The following MPDZ variants were observed in gnomAD, a reference collection of about 807,000 sequenced individuals.
MPDZ encodes multiple PDZ domain crumbs cell polarity complex component.
A neutral mutation model predicts 239.1 loss-of-function variants in MPDZ; 234 were observed. The ratio of observed to expected loss-of-function variants is 0.98; its 90% CI spans 0.88 to 1.09. The LOEUF (loss-of-function observed/expected upper bound fraction) is 1.09, where lower values mean the gene tolerates loss of function less well. Among genes scored for constraint, MPDZ ranks in the 50% least tolerant of loss-of-function variants. The pLI is 0.00. For missense variants in MPDZ, 3,175 were observed against 2,510.0 expected (o/e 1.26, Z -5.66); for synonymous variants, 1,048 against 881.3 (o/e 1.19, Z -3.35).
At chr9:13,130,664 T>G (rs556425441) in intron 32 of MPDZ, among the ~76,000 whole-genome samples, 21 of 152,216 alleles carry the variant, frequency 1.4e-4, no homozygotes, top group Non-Finnish European at 1.5e-5. Context: ...ATTGAAGTAA[T>G]ATTTCAAAAT....
chr9:13,184,930 A>T (rs2134602548), intron 18 of MPDZ, among the ~76,000 whole-genome samples: 1 of 152,142 alleles, frequency 6.6e-6, no homozygotes, highest in South Asian at 2.1e-4. Flanking sequence ...TAAAAGTGGA[A>T]CTAATCTTCC....
chr9:13,141,168 T>G (rs1947616457), intron 27 of MPDZ, among the ~76,000 whole-genome samples: 2 of 152,144 alleles, frequency 1.3e-5, no homozygotes, highest in South Asian at 4.1e-4. Context: ...TTTTTGCCAT[T>G]AAAACTCCAA....
At chr9:13,168,247 A>G in intron 22 of MPDZ, 119 bp downstream of exon 22, 3 of 905,220 alleles carry the variant, frequency 3.3e-6, no homozygotes, top group South Asian at 3.3e-5. Flanking sequence ...TGAGTGATTT[A>G]TGTTAAAAAA....
At chr9:13,144,885 A>C (rs974844104) in intron 26 of MPDZ, among the ~76,000 whole-genome samples, 1 of 152,074 alleles carries the variant, frequency 6.6e-6, no homozygotes, top group Admixed American at 6.6e-5. Flanking sequence ...GGAAGAAATG[A>C]CTAGGCAGAG....
At chr9:13,191,888 C>G (rs929074189) in intron 15 of MPDZ, among the ~76,000 whole-genome samples, 2 of 152,066 alleles carry the variant, frequency 1.3e-5, no homozygotes, top group Non-Finnish European at 2.9e-5. Context: ...AGACAAGCAT[C>G]ATGACTTACA....
intron 16 of MPDZ, among the ~76,000 whole-genome samples, chr9:13,189,426 T>G (rs568313346): frequency 6.6e-6 from 1 of 152,016 alleles, no homozygotes; most frequent in African/African-American, 2.4e-5. Context: ...CCCATCCTTT[T>G]GAAATGAAAG....
chr9:13,124,173 G>A (rs1480558333), intron 35 of MPDZ, among the ~76,000 whole-genome samples: 3 of 152,102 alleles, frequency 2.0e-5, no homozygotes, highest in Admixed American at 6.6e-5. Flanking sequence ...AAGAACAGGT[G>A]TAAGATATTT....
At chr9:13,171,679 G>A (rs1343497623) in intron 21 of MPDZ, among the ~76,000 whole-genome samples, 2 of 152,068 alleles carry the variant, frequency 1.3e-5, no homozygotes, top group East Asian at 3.9e-4. Flanking sequence ...CTGTATTTCT[G>A]TATATATTTT....
chr9:13,192,005 C>T (rs1954993296), intron 15 of MPDZ, 126 bp downstream of exon 15: 1 of 826,660 alleles, frequency 1.2e-6, no homozygotes, highest in Non-Finnish European at 1.7e-6. Flanking sequence ...ACTTTAAATT[C>T]TATCCTCCAA....
Position 13,247,804 on chromosome 9 carries a change from A to G in MPDZ, c.17-3T>C, listed in dbSNP as rs372215815. 150 of 1,595,642 alleles carry G rather than the reference A, an allele frequency of 9.4e-5. No individual in the cohort carries two copies. Among genetic ancestry groups the G allele is most frequent in the Non-Finnish European group, 1.2e-4 (140 of 1,165,636 alleles). ...TGCATGCAGGGCCCGATTTTTGTCT[A>G]TACCAAAGAGCAGCATTTGTCAATA... On this transcript the variant is annotated splice_region_variant and splice_polypyrimidine_tract_variant and intron_variant, in intron 2 of 46. Coordinates refer to ENST00000319217, the MANE Select transcript of MPDZ (RefSeq NM_001378778.1).
Position 13,108,879 on chromosome 9 carries a change from G to T in MPDZ, c.6066+57C>A. ...GCCATAAACTAATAAGCCAGCTGCT[G>T]ACCACTATTAATGAATGTTTAGGGG... is the stretch of plus-strand genomic sequence containing the variant. On this transcript the variant is annotated intron_variant, in intron 46 of 46. Transcript: ENST00000319217. The T allele has an allele frequency of 2.6e-6, 4 of 1,559,892 alleles. No homozygotes were observed. In the South Asian group the frequency reaches 4.8e-5, roughly 19 times the overall value.
chr9:13,243,882 C>T (rs1241106604), intron 3 of MPDZ, among the ~76,000 whole-genome samples: 2 of 152,164 alleles, frequency 1.3e-5, no homozygotes, highest in African/African-American at 4.8e-5. Flanking sequence ...GAATGCCACA[C>T]TCCAAAAAGT....
At chr9:13,164,475 A>C (rs1950818715) in intron 22 of MPDZ, among the ~76,000 whole-genome samples, 1 of 152,164 alleles carries the variant, frequency 6.6e-6, no homozygotes, top group African/African-American at 2.4e-5. Context: ...GATTCAGTAA[A>C]ACTCATATAA....
Position 13,224,427 on chromosome 9 carries a change from T to C in MPDZ, c.340A>G (p.Asn114Asp). 1 of 1,612,942 alleles carries C rather than the reference T, an allele frequency of 6.2e-7. No homozygotes were observed. The highest frequency in any genetic ancestry group is 2.2e-5 in the East Asian group (1 of 44,816). Residue 114 changes from asparagine to aspartate, a missense_variant, in exon 4 of 47, where the codon AAT becomes GAT. Coordinates refer to ENST00000319217, the MANE Select transcript of MPDZ (RefSeq NM_001378778.1). ...ALTGPGIPHI[N>D]GKPACDEFDQ... ...AATTCATCACAAGCAGGTTTCCCATTAATGTGTGGAATACCAGGTCCTGTA... is the reference window on the plus strand; with the variant it reads ...AATTCATCACAAGCAGGTTTCCCATCAATGTGTGGAATACCAGGTCCTGTA...
rs1491170147 is a variant in MPDZ, at chr9:13,236,268, T to TATA, written c.183+11366_183+11367insTAT. On this transcript the variant is annotated intron_variant, in intron 3 of 46. Coordinates refer to ENST00000319217, the MANE Select transcript of MPDZ (RefSeq NM_001378778.1). ...GTGTGTGTATATATATATATATATA[T>TATA]TTTTTTTTTTTTTTTTTTTTTTTTT... 4.7e-3 allele frequency among the ~76,000 whole-genome samples: 61 copies of TATA among 13,058 alleles called. 6 individuals are homozygous for TATA. The highest frequency in any genetic ancestry group is 0.044 in the South Asian group (9 of 206). 8.6% of individuals were successfully genotyped at this position (13,058 alleles called of 152,430 possible).
intron 26 of MPDZ, among the ~76,000 whole-genome samples, chr9:13,145,966 A>G (rs1948378646): frequency 6.6e-6 from 1 of 152,054 alleles, no homozygotes; most frequent in Non-Finnish European, 1.5e-5. Flanking sequence ...CAAAAAAAAT[A>G]GCTTTAACTT....
intron 12 of MPDZ, among the ~76,000 whole-genome samples, chr9:13,200,046 T>G (rs1484353363): frequency 6.6e-6 from 1 of 152,044 alleles, no homozygotes; most frequent in African/African-American, 2.4e-5. Context: ...ATTTAAATGT[T>G]TGGTAGAATT....
intron 3 of MPDZ, among the ~76,000 whole-genome samples, chr9:13,229,061 C>T (rs1587964516): frequency 1.3e-5 from 2 of 152,070 alleles, no homozygotes; most frequent in African/African-American, 2.4e-5. Flanking sequence ...GCTAGGAGAG[C>T]TGTTTCTAGA....
intron 11 of MPDZ, 47 bp downstream of exon 11, chr9:13,205,869 G>A: frequency 6.9e-7 from 1 of 1,444,156 alleles, no homozygotes; most frequent in Non-Finnish European, 9.2e-7. Flanking sequence ...AAAAAAATTG[G>A]AGACAATATA....
Sources: allele counts gnomAD v4.1 joint callset (sites outside exome capture counted in the v4.1 genomes callset), GRCh38; gene constraint gnomAD v4.1.1; transcripts MANE v1.5; gene names NCBI Gene and HGNC (gene_info 2026-07-23, HGNC 2026-07-21).